KIF17: variants seen among roughly 807,000 people sequenced by gnomAD.
KIF17 encodes kinesin family member 17.
A neutral mutation model predicts 96.8 loss-of-function variants in KIF17; 80 were observed. That is an observed-to-expected ratio of 0.83 (90% CI 0.69 to 1.00). KIF17 has a LOEUF of 1.00. Among genes scored for constraint, KIF17 ranks in the 50% least tolerant of loss-of-function variants. KIF17 has a pLI of 0.00. For missense variants in KIF17, 1,280 were observed against 1,372.9 expected, an observed-to-expected ratio of 0.93 and a Z score of 1.07; for synonymous variants, 567 against 587.5, an observed-to-expected ratio of 0.97 and a Z score of 0.51.
Position 20,687,917 on chromosome 1 carries a change from T to A in KIF17, c.1409A>T (p.Tyr470Phe). 2 of 1,613,758 alleles carry A rather than the reference T, an allele frequency of 1.2e-6. No homozygotes were observed. Among genetic ancestry groups the A allele is most frequent in the East Asian group, 4.5e-5 (2 of 44,876 alleles). Residue 470 changes from tyrosine (Y) to phenylalanine (F), a missense_variant, in exon 8 of 15, where the codon TAC becomes TTC. Coordinates refer to ENST00000400463, the MANE Select transcript of KIF17 (RefSeq NM_001122819.3). This position sits in a 1 kb window ranked among gnomAD's most constrained non-coding sequence, Gnocchi z 4.4. ...AGCCCTGGACATGACCTCAGCCTTGTAGAGGACTCCCACCTGCAGGACAGC... is the reference window on the plus strand; with the variant it reads ...AGCCCTGGACATGACCTCAGCCTTGAAGAGGACTCCCACCTGCAGGACAGC... Reference protein sequence around the residue: ...TEAVLQVGVLYKAEVMSRAEF... With the variant: ...TEAVLQVGVLFKAEVMSRAEF...
chr1:20,675,584 G>A (rs1305872483), intron 11 of KIF17, among the ~76,000 whole-genome samples: 1 of 152,174 alleles, frequency 6.6e-6, no homozygotes, highest in Non-Finnish European at 1.5e-5. Flanking sequence ...TTGTAGCAAA[G>A]CTTTGCAACC....
At chr1:20,670,307 C>A in intron 13 of KIF17, 114 bp downstream of exon 13, 3 of 1,052,882 alleles carry the variant, frequency 2.8e-6, no homozygotes, top group East Asian at 4.8e-5. Context: ...CTTCTTTAAT[C>A]CTTAGGCGGG....
At chr1:20,701,459 T>A (rs998999708) in intron 5 of KIF17, among the ~76,000 whole-genome samples, 1 of 151,776 alleles carries the variant, frequency 6.6e-6, no homozygotes, top group Admixed American at 6.6e-5. Context: ...ACAAATTGCA[T>A]GGCCAGGCTG....
At chr1:20,690,055 T>G in intron 7 of KIF17, 133 bp downstream of exon 7, 1 of 938,014 alleles carries the variant, frequency 1.1e-6, no homozygotes, top group East Asian at 2.6e-5. Flanking sequence ...GTACCTACCT[T>G]ACTGGACCAT....
rs2054194156 is a variant in KIF17 at position 20,699,394 on chromosome 1, T to C, written c.1124-906A>G. 6.6e-6 allele frequency among the ~76,000 whole-genome samples: 1 copy of C among 150,562 alleles called. No homozygotes were observed. The highest frequency in any genetic ancestry group is 2.5e-5 in the African/African-American group (1 of 39,990). On this transcript the variant is annotated intron_variant, in intron 5 of 14. Transcript: ENST00000400463. The surrounding 1 kb of genome is among the most constrained non-coding windows in gnomAD (Gnocchi z 4.3). ...CAACAGCCAACATAGTAAAACCCCG[T>C]CTCTACCAAAAAAATACAAAAATTA...
At chr1:20,661,920 G>A (rs1184312506), downstream of KIF17, among the ~76,000 whole-genome samples, 1 of 152,270 alleles carries the variant, frequency 6.6e-6, no homozygotes, top group African/African-American at 2.4e-5. Context: ...GGCTCCAGGG[G>A]CCATGGCATG....
intron 6 of KIF17, among the ~76,000 whole-genome samples, chr1:20,695,141 CACACACAT>C: frequency 6.7e-6 from 1 of 148,556 alleles, no homozygotes; most frequent in East Asian, 1.9e-4. Context: ...CACACACGCA[CACACACAT>C]GCATGTGCAC....
intron 8 of KIF17, among the ~76,000 whole-genome samples, chr1:20,686,553 A>G (rs1451372619): frequency 6.6e-6 from 1 of 152,052 alleles, no homozygotes; most frequent in African/African-American, 2.4e-5. Flanking sequence ...GAGAGGAGAA[A>G]ATAGGACTTT....
At chr1:20,702,845 G>A (rs551841108) in intron 5 of KIF17, among the ~76,000 whole-genome samples, 6 of 152,266 alleles carry the variant, frequency 3.9e-5, no homozygotes, top group South Asian at 2.1e-4. Context: ...AGTGTGTCTC[G>A]TTGCATGTGA....
intron 11 of KIF17, among the ~76,000 whole-genome samples, chr1:20,677,894 T>G (rs2053766223): frequency 6.6e-6 from 1 of 152,212 alleles, no homozygotes; most frequent in South Asian, 2.1e-4. Flanking sequence ...TCCATACTGC[T>G]GTGACCTTCA....
chr1:20,712,868 G>GATA (rs375017843), intron 3 of KIF17, among the ~76,000 whole-genome samples: 8,269 of 32,124 alleles, frequency 0.26, 2,024 homozygotes, highest in East Asian at 0.62. Context: ...CTATATTATA[G>GATA]ATATTATCTA....
At position 20,712,882 on chromosome 1, in the gene KIF17, A is replaced by ATAGATAATATTATATATATC. The variant is rs1553153031; in HGVS notation, c.480+571_480+572insGATATATATAATATTATCTA. Among the ~76,000 whole-genome samples the ATAGATAATATTATATATATC allele has an allele frequency of 2.4e-5, 2 of 83,208 alleles. 1 individual carries two copies. The highest frequency in any genetic ancestry group is 1.2e-4 in the African/African-American group (2 of 17,024). 54.6% of individuals were successfully genotyped at this position (83,208 alleles called of 152,430 possible). On this transcript the variant is annotated intron_variant, in intron 3 of 14. Transcript: ENST00000400463. ...TCTATATTATAGATATTATCTATAT[A>ATAGATAATATTATATATATC]TAATATAGATAATATTATCTATATT...
chr1:20,668,581 C>G (rs950836950), intron 13 of KIF17, among the ~76,000 whole-genome samples: 4 of 152,174 alleles, frequency 2.6e-5, no homozygotes, highest in African/African-American at 4.8e-5. Context: ...TGGCCCCTTG[C>G]AGCCTGAGTT....
rs151116079 is a variant in KIF17 at position 20,666,065 on chromosome 1, G to A, written c.2908+149C>T. 4.5e-3 allele frequency: 3,267 copies of A among 733,774 alleles called. 16 individuals carry two copies. Among genetic ancestry groups the A allele is most frequent in the Non-Finnish European group, 6.6e-3 (2,705 of 407,522 alleles). The allele number at this position is 733,774 out of a possible 1,614,324, so 45.5% of individuals were successfully genotyped here. A position where few individuals can be genotyped will look rare whatever the true frequency, so the allele number is the denominator to read the frequency against. ...CGTATCACCTAATCCTAAGAAGTTG[G>A]TGTTACCCCCCTCATTTTGTAGCTA... is the stretch of plus-strand genomic sequence containing the variant. On this transcript the variant is annotated intron_variant, in intron 14 of 14. Coordinates refer to ENST00000400463, the MANE Select transcript of KIF17 (RefSeq NM_001122819.3).
chr1:20,677,754 G>A (rs2053763502), intron 11 of KIF17, among the ~76,000 whole-genome samples: 1 of 152,200 alleles, frequency 6.6e-6, no homozygotes, highest in African/African-American at 2.4e-5. Flanking sequence ...TACTCGGGAG[G>A]CTGAGGTGGG....
intron 13 of KIF17, among the ~76,000 whole-genome samples, chr1:20,667,701 A>G (rs1235084940): frequency 6.6e-6 from 1 of 152,228 alleles, no homozygotes; most frequent in East Asian, 1.9e-4. Context: ...TACCAAGGGA[A>G]GCAGGAACAA....
chr1:20,683,610 G>C (rs557393251), intron 10 of KIF17, among the ~76,000 whole-genome samples: 2 of 151,868 alleles, frequency 1.3e-5, no homozygotes, highest in Non-Finnish European at 2.9e-5. Context: ...AGCCGAGATC[G>C]CACCACTGCA....
At chr1:20,712,480 A>C (rs1489635423) in intron 3 of KIF17, among the ~76,000 whole-genome samples, 2 of 144,456 alleles carry the variant, frequency 1.4e-5, no homozygotes, top group African/African-American at 5.1e-5. Context: ...GGAAGGCTCA[A>C]GGCCAGGAGT....
Position 20,708,653 on chromosome 1 carries a change from G to A in KIF17, c.670+986C>T, listed in dbSNP as rs149092892. The stretch of plus-strand genomic sequence containing the variant: ...TCAAATCCCAGCTCCACCAATTAGC[G>A]GCGGTGAGACCTTGAACAAGCAAAT... On this transcript the variant is annotated intron_variant, in intron 4 of 14. Transcript: ENST00000400463. 3.1e-4 allele frequency among the ~76,000 whole-genome samples: 47 copies of A among 152,242 alleles called. 1 individual carries two copies. The highest frequency in any genetic ancestry group is 2.9e-4 in the Non-Finnish European group (20 of 68,020).
Sources: allele counts gnomAD v4.1 joint callset (sites outside exome capture counted in the v4.1 genomes callset), GRCh38; gene constraint gnomAD v4.1.1; non-coding constraint Gnocchi (gnomAD v3.1); transcripts MANE v1.5; gene names NCBI Gene and HGNC (gene_info 2026-07-23, HGNC 2026-07-21).